Variants in GALNT13 observed in about 807,000 individuals in gnomAD.
GALNT13 encodes UDP-GalNAc:polypeptide N-acetylgalactosaminyltransferase 13.
A neutral mutation model predicts 64.2 loss-of-function variants in GALNT13; 28 were observed. That is an observed-to-expected ratio of 0.44 (90% CI 0.32 to 0.60). The LOEUF is 0.60. Ranked by LOEUF, GALNT13 falls within the 20% of genes least tolerant of loss-of-function variation. The pLI is 0.05. For missense variants in GALNT13, 577 were observed against 669.8 expected (o/e 0.86, Z 1.53); for synonymous variants, 214 against 224.6 (o/e 0.95, Z 0.42).
chr2:153,560,567 CTGATA>C, the GALNT13 span, among the ~76,000 whole-genome samples: 2 of 151,944 alleles, frequency 1.3e-5, no homozygotes, highest in African/African-American at 2.4e-5. Context: ...TCCAGTTGTT[CTGATA>C]TAATTTATTA....
the GALNT13 span, among the ~76,000 whole-genome samples, chr2:153,373,443 G>A: frequency 8.6e-5 from 13 of 151,852 alleles, no homozygotes; most frequent in Non-Finnish European, 1.6e-4. Flanking sequence ...CCTGTGCCTC[G>A]CCATCTACCC....
At chr2:154,404,503 A>C in intron 10 of GALNT13, among the ~76,000 whole-genome samples, 1 of 152,198 alleles carries the variant, frequency 6.6e-6, no homozygotes, top group East Asian at 1.9e-4. Context: ...CAACAGAGGA[A>C]AGCAATGAGG....
intron 8 of GALNT13, among the ~76,000 whole-genome samples, chr2:154,293,566 G>C (rs1203106914): frequency 6.6e-6 from 1 of 152,126 alleles, no homozygotes; most frequent in Non-Finnish European, 1.5e-5. Flanking sequence ...AATCTTGTTA[G>C]AGTCTTGGAA....
the GALNT13 span, among the ~76,000 whole-genome samples, chr2:153,379,260 T>A: frequency 2.0e-5 from 3 of 152,172 alleles, no homozygotes; most frequent in Non-Finnish European, 4.4e-5. Context: ...AACCTAGCAA[T>A]GTATATTCCA....
chr2:153,492,368 G>A, the GALNT13 span, among the ~76,000 whole-genome samples: 2 of 152,188 alleles, frequency 1.3e-5, no homozygotes, highest in Admixed American at 1.3e-4. Context: ...ACAGACATGA[G>A]AACACCTGAT....
At chr2:153,360,778 A>T in the GALNT13 span, among the ~76,000 whole-genome samples, 1 of 152,258 alleles carries the variant, frequency 6.6e-6, no homozygotes, top group African/African-American at 2.4e-5. Flanking sequence ...CAGCAGACTT[A>T]GTCTTTCTAA....
chr2:154,242,685 A>T lies in GALNT13; in HGVS notation c.479-13A>T. 1 of 1,574,134 alleles carries T rather than the reference A, an allele frequency of 6.4e-7. No individual in the cohort carries two copies. The highest frequency in any genetic ancestry group is 1.4e-5 in the African/African-American group (1 of 74,002). ...TCAAAAATTTTTCTTATAAATTCTT[A>T]TACATGTTACAGATTTTCTCAAGTT... On this transcript the variant is annotated splice_polypyrimidine_tract_variant and intron_variant, in intron 5 of 12. Transcript: ENST00000392825.
the GALNT13 span, among the ~76,000 whole-genome samples, chr2:153,414,734 CTT>C: frequency 3.3e-5 from 5 of 152,256 alleles, no homozygotes; most frequent in Admixed American, 2.6e-4. Flanking sequence ...AAAAAATACT[CTT>C]ATCAGTTTTT....
chr2:154,060,836 A>G (rs1700140893), intron 3 of GALNT13, among the ~76,000 whole-genome samples: 1 of 152,048 alleles, frequency 6.6e-6, no homozygotes, highest in Admixed American at 6.6e-5. Context: ...AAGGGAACCC[A>G]ATTAATATAG....
At chr2:153,519,940 C>A in the GALNT13 span, among the ~76,000 whole-genome samples, 2 of 152,062 alleles carry the variant, frequency 1.3e-5, no homozygotes, top group South Asian at 4.1e-4. Context: ...TATAATGTGG[C>A]CTGAAGATCT....
chr2:153,084,888 C>A, the GALNT13 span, among the ~76,000 whole-genome samples: 1 of 152,166 alleles, frequency 6.6e-6, no homozygotes, highest in Non-Finnish European at 1.5e-5. Context: ...GGGGAAGTAA[C>A]TTTGGAACTA....
the GALNT13 span, among the ~76,000 whole-genome samples, chr2:153,400,631 ACTT>A: frequency 6.6e-6 from 1 of 152,114 alleles, no homozygotes; most frequent in African/African-American, 2.4e-5. Flanking sequence ...CAGAGATTCA[ACTT>A]CTTCCTGGTT....
chr2:153,428,364 AG>A, the GALNT13 span, among the ~76,000 whole-genome samples: 44 of 152,078 alleles, frequency 2.9e-4, no homozygotes, highest in African/African-American at 1.0e-3. Flanking sequence ...GGAGTTGGAC[AG>A]GGGAGCACCA....
the GALNT13 span, chr2:153,761,930 C>A: frequency 5.5e-6 from 1 of 182,662 alleles, no homozygotes; most frequent in South Asian, 1.3e-4. Flanking sequence ...ATGATAATAT[C>A]TCCTGGCTCC....
At chr2:154,141,134 C>G (rs1182896656) in intron 4 of GALNT13, among the ~76,000 whole-genome samples, 1 of 152,078 alleles carries the variant, frequency 6.6e-6, no homozygotes, top group Non-Finnish European at 1.5e-5. Context: ...GGTCATGTAA[C>G]ATGAATGGAG....
At chr2:153,504,335 A>G in the GALNT13 span, among the ~76,000 whole-genome samples, 1 of 152,332 alleles carries the variant, frequency 6.6e-6, no homozygotes, top group Middle Eastern at 3.4e-3. Flanking sequence ...GCAAACAGCA[A>G]CAGTTTGACT....
intron 3 of GALNT13, among the ~76,000 whole-genome samples, chr2:154,116,304 G>A (rs1681560731): frequency 6.6e-6 from 1 of 152,060 alleles, no homozygotes; most frequent in South Asian, 2.1e-4. Context: ...TCCAATCAAT[G>A]CCCTCACTTT....
At chr2:154,260,426 G>C (rs1255805787) in intron 8 of GALNT13, among the ~76,000 whole-genome samples, 1 of 152,090 alleles carries the variant, frequency 6.6e-6, no homozygotes, top group African/African-American at 2.4e-5. Context: ...GTGGATCTTG[G>C]ATAAATTATT....
chr2:153,658,924 C>A, the GALNT13 span, among the ~76,000 whole-genome samples: 1 of 151,956 alleles, frequency 6.6e-6, no homozygotes, highest in Non-Finnish European at 1.5e-5. Flanking sequence ...CACGTTTGTG[C>A]CTTCTAATGT....
Sources: allele counts gnomAD v4.1 joint callset (sites outside exome capture counted in the v4.1 genomes callset), GRCh38; gene constraint gnomAD v4.1.1; transcripts MANE v1.5; gene names NCBI Gene and HGNC (gene_info 2026-07-23, HGNC 2026-07-21).